CIB1: variants seen among roughly 807,000 people sequenced by gnomAD.
The protein encoded by CIB1 is calcium and integrin-binding protein 1.
A neutral mutation model predicts 25.0 loss-of-function variants in CIB1; 19 were observed. That is an observed-to-expected ratio of 0.76 (90% CI 0.53 to 1.12). CIB1 has a LOEUF of 1.12. Among genes scored for constraint, CIB1 ranks in the 50% most tolerant of loss-of-function variants. CIB1 has a pLI of 0.00. For synonymous variants in CIB1, 104 were observed against 98.5 expected, an observed-to-expected ratio of 1.06 and a Z score of -0.33; for missense variants, 236 against 242.6, an observed-to-expected ratio of 0.97 and a Z score of 0.18.
the CIB1 span, chr15:90,262,051 A>G: frequency 6.5e-7 from 1 of 1,535,902 alleles, no homozygotes; most frequent in South Asian, 1.2e-5. Context: ...TGGACCAGGA[A>G]CGATATGAGG....
the CIB1 span, chr15:90,253,494 A>C: frequency 1.3e-5 from 7 of 521,448 alleles, no homozygotes; most frequent in East Asian, 6.2e-5. Context: ...AAGAAAGACC[A>C]CCCCCAGGGT....
chr15:90,232,362 C>T lies in CIB1; in HGVS notation c.87-35G>A, dbSNP rs759890736. On this transcript the variant is annotated intron_variant, in intron 2 of 6. Coordinates refer to ENST00000328649, the MANE Select transcript of CIB1 (RefSeq NM_006384.4). ...AGAGGGGAACTGTCGGTGTTCTCAG[C>T]GATCGGTCTCCCTGTGTGTTCATTC... is the stretch of plus-strand genomic sequence containing the variant. 5 of 1,573,952 alleles carry T rather than the reference C, an allele frequency of 3.2e-6. No individual in the cohort carries two copies. The highest frequency in any genetic ancestry group is 4.3e-6 in the Non-Finnish European group (5 of 1,153,672).
At chr15:90,240,941 C>G in the CIB1 span, 2 of 1,614,000 alleles carry the variant, frequency 1.2e-6, no homozygotes, top group South Asian at 1.1e-5. Flanking sequence ...ACGAAACTTC[C>G]TATTTGCTGC....
rs1287281549 is a variant in CIB1 at position 90,230,409 on chromosome 15, A to G, written c.*75T>C. 6.5e-7 allele frequency: 1 copy of G among 1,527,588 alleles called. No homozygotes were observed. The highest frequency in any genetic ancestry group is 1.4e-5 in the African/African-American group (1 of 72,296). 94.6% of individuals were successfully genotyped at this position (1,527,588 alleles called of 1,614,324 possible). A position where few individuals can be genotyped will look rare whatever the true frequency, so the allele number is the denominator to read the frequency against. The stretch of plus-strand genomic sequence containing the variant: ...CCAGCTTGGCCCGCACTGGCAACAC[A>G]GGCTTGACCTTGGCCACAGCTCAGC... On this transcript the variant is annotated 3_prime_UTR_variant, in exon 7 of 7. Coordinates refer to ENST00000328649, the MANE Select transcript of CIB1 (RefSeq NM_006384.4).
chr15:90,231,068 C>T (rs779940261), intron 5 of CIB1, 27 bp downstream of exon 5: 5 of 1,613,198 alleles, frequency 3.1e-6, no homozygotes, highest in African/African-American at 1.3e-5. Context: ...TGCTCCCTCC[C>T]GCTCCCAGGC....
At chr15:90,248,244 A>C in the CIB1 span, among the ~76,000 whole-genome samples, 1 of 152,208 alleles carries the variant, frequency 6.6e-6, no homozygotes, top group Non-Finnish European at 1.5e-5. Flanking sequence ...GAAGGCTGGT[A>C]TCTTTCAAAG....
At chr15:90,236,949 CTTTTATT>C (rs1380696323), upstream of CIB1, among the ~76,000 whole-genome samples, 2 of 151,620 alleles carry the variant, frequency 1.3e-5, no homozygotes, top group African/African-American at 4.8e-5. Context: ...TGCTGATATA[CTTTTATT>C]TTTTATTTTA....
the CIB1 span, chr15:90,256,387 T>C: frequency 1.9e-6 from 3 of 1,541,080 alleles, no homozygotes; most frequent in Non-Finnish European, 2.7e-6. Flanking sequence ...AAGCTGGTCT[T>C]AGGCTTCTAC....
chr15:90,230,919 G>A lies in CIB1; in HGVS notation c.554+15C>T, dbSNP rs1391086898. 6 of 1,607,768 alleles carry A rather than the reference G, an allele frequency of 3.7e-6. No individual in the cohort carries two copies. In the South Asian group the frequency reaches 5.5e-5, roughly 15 times the overall value. On this transcript the variant is annotated intron_variant, in intron 6 of 6. Coordinates refer to ENST00000328649, the MANE Select transcript of CIB1 (RefSeq NM_006384.4). Reference sequence around the variant, plus strand: ...ACCTGCAGGTACCCAGAATGAAGGGGGACCACTGTCATACCTGGCAAAGTC... The same window carrying A: ...ACCTGCAGGTACCCAGAATGAAGGGAGACCACTGTCATACCTGGCAAAGTC...
chr15:90,265,685 C>T, the CIB1 span: 2 of 1,612,278 alleles, frequency 1.2e-6, no homozygotes, highest in South Asian at 1.1e-5. Flanking sequence ...GTTTCGTAGC[C>T]GACTGCTGAA....
At chr15:90,251,030 C>G in the CIB1 span, 1 of 1,145,630 alleles carries the variant, frequency 8.7e-7, no homozygotes, top group Non-Finnish European at 1.2e-6. Context: ...GTCATTAACC[C>G]TTTGATACAA....
At chr15:90,265,650 G>C in the CIB1 span, 3 of 1,595,816 alleles carry the variant, frequency 1.9e-6, no homozygotes, top group Non-Finnish European at 2.6e-6. Context: ...TCCACTTCCG[G>C]TCTTACCCGG....
the CIB1 span, chr15:90,258,496 C>A: frequency 1.6e-6 from 1 of 617,080 alleles, no homozygotes; most frequent in Non-Finnish European, 2.8e-6. Context: ...TTGGGATCCC[C>A]AGTGCCCTAA....
the CIB1 span, among the ~76,000 whole-genome samples, chr15:90,248,171 G>T: frequency 6.6e-6 from 1 of 152,098 alleles, no homozygotes; most frequent in Non-Finnish European, 1.5e-5. Flanking sequence ...CTTCCTAGTA[G>T]CTGGGACTAC....
the CIB1 span, chr15:90,261,983 C>A: frequency 1.8e-4 from 270 of 1,517,718 alleles, no homozygotes; most frequent in Non-Finnish European, 2.1e-4. Flanking sequence ...CTACTCTTGA[C>A]TCACTGAGCT....
upstream of CIB1, among the ~76,000 whole-genome samples, chr15:90,236,970 A>ATT (rs570381202): frequency 6.1e-4 from 90 of 147,482 alleles, no homozygotes; most frequent in African/African-American, 2.2e-3. Context: ...TATTTTATTT[A>ATT]TTTTTTTGAG....
At chr15:90,237,283 C>CTTTTT (rs35595704), upstream of CIB1, among the ~76,000 whole-genome samples, 15 of 113,244 alleles carry the variant, frequency 1.3e-4, no homozygotes, top group East Asian at 5.1e-4. Context: ...CTTTTTTTCC[C>CTTTTT]TTTTTTTTTT....
the CIB1 span, chr15:90,241,785 C>A: frequency 3.1e-6 from 5 of 1,614,202 alleles, no homozygotes; most frequent in Non-Finnish European, 4.2e-6. Context: ...GTTTGTCACC[C>A]GGGGAGCTCC....
the CIB1 span, chr15:90,256,388 A>T: frequency 1.3e-6 from 2 of 1,528,888 alleles, no homozygotes; most frequent in Admixed American, 3.6e-5. Context: ...AGCTGGTCTT[A>T]GGCTTCTACC....
Sources: gnomAD v4.1 joint callset for allele counts (sites outside exome capture counted in the v4.1 genomes callset) on GRCh38, gnomAD v4.1.1 for gene constraint, MANE v1.5 for transcripts, NCBI Gene and HGNC (gene_info 2026-07-23, HGNC 2026-07-21) for gene names.